The following ACOXL variants were observed in gnomAD, a reference collection of about 807,000 sequenced individuals.
The protein encoded by ACOXL is acyl-CoA oxidase like.
In ACOXL, 70 loss-of-function variants were observed where a neutral mutation model predicts 71.9. The ratio of observed to expected loss-of-function variants is 0.97; its 90% CI spans 0.80 to 1.19. The LOEUF (loss-of-function observed/expected upper bound fraction) is 1.19, where lower values mean the gene tolerates loss of function less well. ACOXL is among the 50% of genes most tolerant of loss of function. The pLI is 0.00. For synonymous variants in ACOXL, 253 were observed against 281.6 expected (o/e 0.90, Z 1.02); for missense variants, 703 against 736.3 (o/e 0.95, Z 0.52).
chr2:110,746,776 C>G (rs141539538), intron 1 of ACOXL, among the ~76,000 whole-genome samples: 1 of 152,226 alleles, frequency 6.6e-6, no homozygotes, highest in African/African-American at 2.4e-5. Flanking sequence ...GCTTAAATAG[C>G]GGATGCCTGC....
intron 16 of ACOXL, among the ~76,000 whole-genome samples, chr2:111,084,222 G>A (rs1011250285): frequency 6.6e-6 from 1 of 150,538 alleles, no homozygotes; most frequent in Admixed American, 6.6e-5. Context: ...GGTAGGAGTA[G>A]AGGGACTGCT....
At chr2:110,811,278 G>C (rs775518579) in intron 9 of ACOXL, among the ~76,000 whole-genome samples, 111 of 152,324 alleles carry the variant, frequency 7.3e-4, no homozygotes, top group Non-Finnish European at 7.6e-4. Context: ...CAGCAGCAAA[G>C]GGCAGAGTAA....
intron 12 of ACOXL, among the ~76,000 whole-genome samples, chr2:110,983,409 A>G (rs1268526535): frequency 5.9e-5 from 9 of 152,256 alleles, no homozygotes; most frequent in Admixed American, 5.9e-4. Flanking sequence ...CCAAACTCAC[A>G]GTTTCCAAAT....
intron 11 of ACOXL, among the ~76,000 whole-genome samples, chr2:110,921,456 C>T (rs568198658): frequency 7.3e-6 from 1 of 136,822 alleles, no homozygotes; most frequent in African/African-American, 2.7e-5. Context: ...GCAGTGGCGC[C>T]ATCTCAGCTC....
chr2:110,945,322 G>C (rs2061055231), intron 12 of ACOXL, among the ~76,000 whole-genome samples: 1 of 149,072 alleles, frequency 6.7e-6, no homozygotes, highest in Non-Finnish European at 1.5e-5. Context: ...TTCTTTTGCT[G>C]TGCAAATGCT....
At chr2:111,014,705 G>A (rs1216796031) in intron 14 of ACOXL, among the ~76,000 whole-genome samples, 2 of 152,214 alleles carry the variant, frequency 1.3e-5, no homozygotes, top group Non-Finnish European at 2.9e-5. Flanking sequence ...TAGAGGGATT[G>A]TACTACCTGA....
At chr2:111,102,083 C>T (rs997164646) in intron 17 of ACOXL, 14 of 152,612 alleles carry the variant, frequency 9.2e-5, no homozygotes, top group Non-Finnish European at 2.1e-4. Flanking sequence ...GACTCTAAAA[C>T]AGGGAAATAG....
At chr2:111,042,317 C>T (rs1191670218) in intron 15 of ACOXL, among the ~76,000 whole-genome samples, 9 of 152,228 alleles carry the variant, frequency 5.9e-5, no homozygotes, top group Non-Finnish European at 1.0e-4. Flanking sequence ...AACAATGTGA[C>T]GCTTTTCAAT....
intron 1 of ACOXL, among the ~76,000 whole-genome samples, chr2:110,760,498 A>C (rs1559227129): frequency 6.6e-6 from 1 of 152,188 alleles, no homozygotes; most frequent in Non-Finnish European, 1.5e-5. Context: ...ACAGTTGTTT[A>C]TTATTGTTCA....
rs144982596 is a variant in ACOXL at position 110,833,411 on chromosome 2, A to G, written c.754-7960A>G. On this transcript the variant is annotated intron_variant, in intron 9 of 17. Coordinates refer to ENST00000439055, the MANE Select transcript of ACOXL (RefSeq NM_001142807.4). ...AGCAGATTAGCGGCTGCCAGGGGCT[A>G]AGGAGTGGGCTGGGGAGGCAGGAAA... Among the ~76,000 whole-genome samples, 317 of 152,300 alleles carry G rather than the reference A, an allele frequency of 2.1e-3. 2 individuals carry two copies. Among genetic ancestry groups the G allele is most frequent in the Non-Finnish European group, 3.4e-3 (230 of 68,020 alleles).
intron 9 of ACOXL, among the ~76,000 whole-genome samples, chr2:110,835,231 C>G (rs1690304361): frequency 6.6e-6 from 1 of 151,892 alleles, no homozygotes; most frequent in South Asian, 2.1e-4. Context: ...TTATTTTTAA[C>G]TTAAGTGTGG....
chr2:110,779,104 T>G (rs1427215972), intron 2 of ACOXL, among the ~76,000 whole-genome samples: 1 of 152,238 alleles, frequency 6.6e-6, no homozygotes. Context: ...GTCAGGGTCC[T>G]GCAATAATGT....
At chr2:110,738,414 A>AT (rs1368019003) in intron 1 of ACOXL, among the ~76,000 whole-genome samples, 3 of 152,162 alleles carry the variant, frequency 2.0e-5, no homozygotes, top group Non-Finnish European at 4.4e-5. Flanking sequence ...ACTTTTCGAG[A>AT]TTTTTAAAGA....
intron 14 of ACOXL, among the ~76,000 whole-genome samples, chr2:111,017,603 G>A (rs2064520892): frequency 6.6e-6 from 1 of 152,188 alleles, no homozygotes; most frequent in Admixed American, 6.5e-5. Flanking sequence ...AAGGGAGAGA[G>A]GGGAGTCAGA....
intron 1 of ACOXL, among the ~76,000 whole-genome samples, chr2:110,748,438 G>T (rs1678510098): frequency 6.6e-6 from 1 of 152,088 alleles, no homozygotes; most frequent in African/African-American, 2.4e-5. Flanking sequence ...TCTATCTCCT[G>T]AGTCTTTCTT....
chr2:110,780,103 TA>T (rs1683147178), intron 2 of ACOXL, among the ~76,000 whole-genome samples: 1 of 152,168 alleles, frequency 6.6e-6, no homozygotes, highest in African/African-American at 2.4e-5. Flanking sequence ...CCATACTATA[TA>T]AAAATCCCTA....
intron 13 of ACOXL, among the ~76,000 whole-genome samples, chr2:110,992,320 A>G (rs1458194966): frequency 6.6e-6 from 1 of 152,190 alleles, no homozygotes; most frequent in East Asian, 1.9e-4. Context: ...CTGACTTTAT[A>G]TGAAGGAAAG....
In ACOXL at chr2:110,904,142, G is replaced by A. The variant is rs537492316; in HGVS notation, c.789-4647G>A. Among the ~76,000 whole-genome samples, 4 of 150,758 alleles carry A rather than the reference G, an allele frequency of 2.7e-5. No homozygotes were observed. In the South Asian group the frequency reaches 8.4e-4, roughly 32 times the overall value. On this transcript the variant is annotated intron_variant, in intron 10 of 17. Transcript: ENST00000439055. ...GGATTGTCAGGGTCTTGGGCCAGAG[G>A]GAGGGAAAGAAAGAGTTGGGTGGTG...
chr2:110,914,250 G>A (rs1337083149), intron 11 of ACOXL, among the ~76,000 whole-genome samples: 1 of 152,142 alleles, frequency 6.6e-6, no homozygotes, highest in Non-Finnish European at 1.5e-5. Context: ...CCTCGAAATT[G>A]TCTTGCTATT....
Sources: gnomAD v4.1 joint callset for allele counts (sites outside exome capture counted in the v4.1 genomes callset) on GRCh38, gnomAD v4.1.1 for gene constraint, MANE v1.5 for transcripts, NCBI Gene and HGNC (gene_info 2026-07-23, HGNC 2026-07-21) for gene names.